CPO: variants seen among roughly 807,000 people sequenced by gnomAD.
CPO encodes carboxypeptidase O.
CPO carries 43 observed loss-of-function variants against 41.2 expected under a neutral mutation model. That is an observed-to-expected ratio of 1.04 (90% CI 0.82 to 1.35). The LOEUF is 1.35. CPO is among the 40% of genes most tolerant of loss of function. The pLI, the probability that CPO is intolerant of heterozygous loss-of-function variation, is 0.00. For synonymous variants in CPO, 178 were observed against 162.7 expected, an observed-to-expected ratio of 1.09 and a Z score of -0.72; for missense variants, 408 against 451.7, an observed-to-expected ratio of 0.90 and a Z score of 0.88.
At chr2:206,954,772 G>A (rs555489308) in intron 2 of CPO, among the ~76,000 whole-genome samples, 1 of 152,320 alleles carries the variant, frequency 6.6e-6, no homozygotes, top group African/African-American at 2.4e-5. Context: ...CAGGGCTGGG[G>A]AGGCCTCAGG....
chr2:206,939,781 C>G, intron 1 of CPO, 114 bp downstream of exon 1: 1 of 687,866 alleles, frequency 1.5e-6, no homozygotes, highest in Non-Finnish European at 2.5e-6. Context: ...CTCATATATA[C>G]CACCATGAGA....
At chr2:206,946,277 A>T (rs1693143776) in intron 1 of CPO, among the ~76,000 whole-genome samples, 1 of 152,202 alleles carries the variant, frequency 6.6e-6, no homozygotes, top group Admixed American at 6.5e-5. Context: ...AAAGAATTAG[A>T]CACCACAACC....
rs752377148 is a variant in CPO at position 206,958,728 on chromosome 2, GTTTTTTTTTTTTTTTTTT to G, written c.372+336_372+353del. Among the ~76,000 whole-genome samples, 33 of 53,336 alleles carry G rather than the reference GTTTTTTTTTTTTTTTTTT, an allele frequency of 6.2e-4. No individual in the cohort carries two copies. The South Asian group carries it at 0.012, about 20-fold the overall frequency. The allele number at this position is 53,336 out of a possible 152,430, so 35.0% of individuals were successfully genotyped here. On this transcript the variant is annotated intron_variant, in intron 4 of 8. Transcript: ENST00000272852. ...CTAATAGTATTTGGCAAATTTTCTAGTTTTTTTTTTTTTTTTTTTTTTTTTTTTTTAAGACAGAGTTTT... is the reference window on the plus strand; with the variant it reads ...CTAATAGTATTTGGCAAATTTTCTAGTTTTTTTTTTTTAAGACAGAGTTTT...
intron 3 of CPO, among the ~76,000 whole-genome samples, chr2:206,957,856 G>A (rs184704968): frequency 1.3e-5 from 2 of 152,298 alleles, no homozygotes; most frequent in East Asian, 3.9e-4. Context: ...CAAGAATTTT[G>A]AGTGGAGATT....
rs1693622704 is a variant in CPO, at chr2:206,968,306, A to G, written c.821A>G (p.Tyr274Cys). The G allele has an allele frequency of 1.9e-6, 3 of 1,612,616 alleles. No individual in the cohort carries two copies. The South Asian group carries it at 3.3e-5, about 18-fold the overall frequency. ...GCAGCAAATGCATTGAAAGCAAAGTATGGAACCAATTATAGAGTTGGATCG... is the reference window on the plus strand; with the variant it reads ...GCAGCAAATGCATTGAAAGCAAAGTGTGGAACCAATTATAGAGTTGGATCG... ...QKAANALKAK[Y>C]GTNYRVGSSA... The change falls in exon 8 of 9, where the codon TAT becomes TGT. Residue 274 changes from tyrosine (Y) to cysteine (C), a missense_variant. Coordinates refer to ENST00000272852, the MANE Select transcript of CPO (RefSeq NM_173077.3).
chr2:206,964,750 G>A (rs1159157735), intron 7 of CPO, among the ~76,000 whole-genome samples: 2 of 152,158 alleles, frequency 1.3e-5, no homozygotes, highest in African/African-American at 4.8e-5. Context: ...AGGGATATTT[G>A]TTGTAGATTC....
At chr2:206,963,882 C>A (rs183290750) in intron 7 of CPO, among the ~76,000 whole-genome samples, 34 of 152,220 alleles carry the variant, frequency 2.2e-4, no homozygotes, top group African/African-American at 7.9e-4. Flanking sequence ...GATCACATGG[C>A]AATTCTATTT....
chr2:206,969,367 C>T lies in CPO; in HGVS notation c.1056C>T (p.Asp352=). The change falls in exon 9 of 9, where the codon GAC becomes GAT. Residue 352 remains aspartate, a synonymous_variant. Transcript: ENST00000272852. The part of the protein sequence containing the change: ...DDVYAKHWHS[D]SAGRVTSATM... ...TGTATGCGAAACACTGGCACTCGGA[C>T]AGTGCTGGAAGGGTGACATCTGCCA... 1 of 1,614,006 alleles carries T rather than the reference C, an allele frequency of 6.2e-7. No individual in the cohort carries two copies. Among genetic ancestry groups the T allele is most frequent in the South Asian group, 1.1e-5 (1 of 91,074 alleles).
intron 4 of CPO, 42 bp from the exon 5 acceptor site, chr2:206,959,589 G>T (rs1693440318): frequency 1.1e-6 from 1 of 909,222 alleles, no homozygotes; most frequent in Admixed American, 1.8e-5. Flanking sequence ...AGAGAGAAAA[G>T]ATCTCAAAAT....
Position 206,959,637 on chromosome 2 carries a change from CA to C in CPO, c.383del (p.Asn128ThrfsTer25). Reference sequence around the variant, plus strand: ...TTCTTTCTTAAATTTCCAGATTCTACAAAACCATAAAGACAACTCAAGTATA... The same window carrying C: ...TTCTTTCTTAAATTTCCAGATTCTACAAACCATAAAGACAACTCAAGTATA... ...FCQWFVKEIL[Q>X]NHKDNSSIRK... On this transcript the variant is annotated frameshift_variant, in exon 5 of 9. Transcript: ENST00000272852. LOFTEE classifies it high-confidence loss of function. The C allele has an allele frequency of 7.2e-7, 1 of 1,392,350 alleles. No individual in the cohort carries two copies. The highest frequency in any genetic ancestry group is 1.0e-6 in the Non-Finnish European group (1 of 981,922). The allele number at this position is 1,392,350 out of a possible 1,614,324, so 86.2% of individuals were successfully genotyped here. A position where few individuals can be genotyped will look rare whatever the true frequency, so the allele number is the denominator to read the frequency against.
chr2:206,952,200 A>C (rs534189461), intron 2 of CPO, among the ~76,000 whole-genome samples: 1 of 151,414 alleles, frequency 6.6e-6, no homozygotes, highest in African/African-American at 2.4e-5. Context: ...TGCAACCTCC[A>C]CCTCCTGGGT....
intron 3 of CPO, among the ~76,000 whole-genome samples, 153 bp downstream of exon 3, chr2:206,955,717 C>T (rs1444763843): frequency 6.6e-6 from 1 of 152,136 alleles, no homozygotes; most frequent in Non-Finnish European, 1.5e-5. Flanking sequence ...AAGTTCAAAA[C>T]TCATAGATGC....
chr2:206,950,671 C>A (rs1332719495), intron 2 of CPO, among the ~76,000 whole-genome samples: 1 of 152,116 alleles, frequency 6.6e-6, no homozygotes, highest in Non-Finnish European at 1.5e-5. Context: ...GACTTGGAAC[C>A]AACCAAATGT....
intron 7 of CPO, 100 bp from the exon 8 acceptor site, chr2:206,968,163 C>A (rs758275936): frequency 8.7e-6 from 7 of 805,352 alleles, no homozygotes; most frequent in Non-Finnish European, 1.3e-5. Flanking sequence ...GGAAAGGTGG[C>A]CTAAAACTCT....
At chr2:206,941,388 T>A (rs1693027284) in intron 1 of CPO, among the ~76,000 whole-genome samples, 1 of 152,078 alleles carries the variant, frequency 6.6e-6, no homozygotes, top group Non-Finnish European at 1.5e-5. Flanking sequence ...TGGAGTACTT[T>A]AAAAAATAAA....
chr2:206,943,779 TGATAAGC>T (rs1559068542), intron 1 of CPO, among the ~76,000 whole-genome samples: 8 of 112,380 alleles, frequency 7.1e-5, no homozygotes, highest in African/African-American at 1.5e-4. Flanking sequence ...GATAGATAGA[TGATAAGC>T]AGATAGATGG....
chr2:206,948,924 C>G (rs1425589252), intron 1 of CPO, among the ~76,000 whole-genome samples: 1 of 152,090 alleles, frequency 6.6e-6, no homozygotes, highest in Non-Finnish European at 1.5e-5. Context: ...CAATGTACCA[C>G]TGTTGTGTGG....
At position 206,959,759 on chromosome 2, in the gene CPO, G is replaced by T. The variant is rs747250343; in HGVS notation, c.483+18G>T. ...GGACAACTGTGAGTACACCATGTTT[G>T]GTCCTGGGATGAGTTCATGAACTAA... On this transcript the variant is annotated intron_variant, in intron 5 of 8. Transcript: ENST00000272852. 6.3e-6 allele frequency: 7 copies of T among 1,108,918 alleles called. No homozygotes were observed. In the African/African-American group the frequency reaches 7.7e-5, roughly 12 times the overall value. The allele number at this position is 1,108,918 out of a possible 1,614,324, so 68.7% of individuals were successfully genotyped here.
intron 1 of CPO, among the ~76,000 whole-genome samples, chr2:206,940,046 C>T (rs536199262): frequency 6.6e-6 from 1 of 152,200 alleles, no homozygotes; most frequent in East Asian, 1.9e-4. Flanking sequence ...CAAATAATTT[C>T]ACCTAGAGAT....
Sources: gnomAD v4.1 joint callset for allele counts (sites outside exome capture counted in the v4.1 genomes callset) on GRCh38, gnomAD v4.1.1 for gene constraint, MANE v1.5 for transcripts, NCBI Gene and HGNC (gene_info 2026-07-23, HGNC 2026-07-21) for gene names.